Variants in MEGF6 observed in about 807,000 individuals in gnomAD.
The protein encoded by MEGF6 is multiple epidermal growth factor-like domains protein 6.
In MEGF6, 184 loss-of-function variants were observed where a neutral mutation model predicts 207.1. The ratio of observed to expected loss-of-function variants is 0.89; its 90% CI spans 0.79 to 1.00. The LOEUF (loss-of-function observed/expected upper bound fraction) is 1.00, where lower values mean the gene tolerates loss of function less well. Among genes scored for constraint, MEGF6 ranks in the 50% least tolerant of loss-of-function variants. The pLI is 0.00. For synonymous variants in MEGF6, 1,038 were observed against 910.0 expected (o/e 1.14, Z -2.53); for missense variants, 2,282 against 2,202.9 (o/e 1.04, Z -0.72).
intron 5 of MEGF6, among the ~76,000 whole-genome samples, chr1:3,522,504 C>CG (rs1377644474): frequency 6.6e-6 from 1 of 152,012 alleles, no homozygotes; most frequent in African/African-American, 2.4e-5. Flanking sequence ...CTTCTGGGGC[C>CG]CTAAGTGTGC....
chr1:3,611,586 G>A, upstream of MEGF6: 1 of 195,214 alleles, frequency 5.1e-6, no homozygotes, highest in Non-Finnish European at 9.3e-6. Context: ...ACCCGCCCTG[G>A]CTCGCCCGCC....
chr1:3,600,066 G>T (rs1280879220), intron 2 of MEGF6, among the ~76,000 whole-genome samples: 1 of 152,126 alleles, frequency 6.6e-6, no homozygotes, highest in African/African-American at 2.4e-5. Flanking sequence ...GTGCTGTGGG[G>T]TCCCGCCTCA....
At chr1:3,591,938 T>C (rs777076663) in intron 3 of MEGF6, among the ~76,000 whole-genome samples, 25 of 152,112 alleles carry the variant, frequency 1.6e-4, no homozygotes, top group Non-Finnish European at 3.2e-4. Context: ...TGGAGGGAAC[T>C]GAGCCCAGTA....
chr1:3,501,733 G>T, intron 18 of MEGF6, 63 bp downstream of exon 18: 1 of 1,572,142 alleles, frequency 6.4e-7, no homozygotes, highest in Non-Finnish European at 8.6e-7. Context: ...ACAGTTCAGG[G>T]CCCCACCAGC....
At chr1:3,541,351 A>G (rs1054584584) in intron 4 of MEGF6, among the ~76,000 whole-genome samples, 5 of 152,228 alleles carry the variant, frequency 3.3e-5, no homozygotes, top group Non-Finnish European at 5.9e-5. Flanking sequence ...GAAGCAACAA[A>G]GTCCTGGAAG....
At chr1:3,537,190 C>T (rs1409591602) in intron 4 of MEGF6, among the ~76,000 whole-genome samples, 8 of 152,244 alleles carry the variant, frequency 5.3e-5, no homozygotes, top group Non-Finnish European at 8.8e-5. Flanking sequence ...GGGCCAAGGC[C>T]CCAGGCAGCC....
the MEGF6 span, among the ~76,000 whole-genome samples, chr1:3,620,413 G>C: frequency 2.0e-5 from 3 of 152,248 alleles, no homozygotes; most frequent in African/African-American, 7.2e-5. Context: ...ATCAGCTCCA[G>C]TCAGGGCCAA....
intron 3 of MEGF6, 44 bp downstream of exon 3, chr1:3,595,294 G>A (rs778912426): frequency 2.8e-6 from 4 of 1,405,226 alleles, no homozygotes; most frequent in Non-Finnish European, 3.0e-6. Context: ...GAGTCCTCTG[G>A]GGTGGAGGTG....
At position 3,540,350 on chromosome 1, in the gene MEGF6, G is replaced by A. The variant is rs530890482; in HGVS notation, c.482-16104C>T. Among the ~76,000 whole-genome samples, 7 of 152,334 alleles carry A rather than the reference G, an allele frequency of 4.6e-5. No individual in the cohort carries two copies. The East Asian group carries it at 1.4e-3, about 29-fold the overall frequency. On this transcript the variant is annotated intron_variant, in intron 4 of 36. Coordinates refer to ENST00000356575, the MANE Select transcript of MEGF6 (RefSeq NM_001409.4). Reference sequence around the variant, plus strand: ...CCTGGAAGGAACACACCTTGCAGCCGGGTTTCCCGCTGCACTGGGAAGACA... The same window carrying A: ...CCTGGAAGGAACACACCTTGCAGCCAGGTTTCCCGCTGCACTGGGAAGACA...
intron 4 of MEGF6, among the ~76,000 whole-genome samples, chr1:3,562,932 A>T (rs1227770651): frequency 1.3e-5 from 2 of 152,064 alleles, no homozygotes; most frequent in African/African-American, 4.8e-5. Context: ...CCCAGGAAGG[A>T]CGGTGGGCTG....
At chr1:3,558,319 T>A (rs1479065896) in intron 4 of MEGF6, among the ~76,000 whole-genome samples, 16 of 152,200 alleles carry the variant, frequency 1.1e-4, no homozygotes, top group Admixed American at 1.0e-3. Context: ...TGTGTCGACC[T>A]CCTTTCTAAT....
At chr1:3,502,280 C>G (rs979025501) in intron 17 of MEGF6, among the ~76,000 whole-genome samples, 2 of 152,032 alleles carry the variant, frequency 1.3e-5, no homozygotes, top group African/African-American at 4.8e-5. Flanking sequence ...GCAGATCCCT[C>G]GGCCATCCAG....
At position 3,531,486 on chromosome 1, in the gene MEGF6, C is replaced by A; in HGVS notation, c.482-7240G>T. 3.7e-6 allele frequency: 4 copies of A among 1,071,468 alleles called. No homozygotes were observed. In the South Asian group the frequency reaches 1.3e-4, roughly 36 times the overall value. 66.4% of individuals were successfully genotyped at this position (1,071,468 alleles called of 1,614,324 possible). ...GCCCCGCAGGTAAAGGCCAAGTCCG[C>A]AGACAACCGAGGGAGCCGCCCCCGG... On this transcript the variant is annotated intron_variant, in intron 4 of 36. Transcript: ENST00000356575.
At chr1:3,523,373 C>A (rs979149050) in intron 5 of MEGF6, among the ~76,000 whole-genome samples, 1 of 152,128 alleles carries the variant, frequency 6.6e-6, no homozygotes, top group African/African-American at 2.4e-5. Flanking sequence ...TGGGCTCCAG[C>A]CCCCTGCTCA....
rs892922993 is a variant in MEGF6 at position 3,530,268 on chromosome 1, G to A, written c.482-6022C>T. ...GAGGGCGTGGTGCTTAGTCCTTCACGCAGGAGAGAGGCAGAAGCTCGGCCT... is the reference window on the plus strand; with the variant it reads ...GAGGGCGTGGTGCTTAGTCCTTCACACAGGAGAGAGGCAGAAGCTCGGCCT... On this transcript the variant is annotated intron_variant, in intron 4 of 36. Transcript: ENST00000356575. Among the ~76,000 whole-genome samples the A allele has an allele frequency of 2.6e-5, 4 of 152,216 alleles. No individual in the cohort carries two copies. The South Asian group carries it at 6.2e-4, about 24-fold the overall frequency.
intron 21 of MEGF6, 64 bp from the exon 22 acceptor site, chr1:3,499,988 G>T (rs754336566): frequency 6.7e-7 from 1 of 1,490,460 alleles, no homozygotes; most frequent in African/African-American, 1.4e-5. Context: ...AGCCGTGCCC[G>T]GGCCTTGCCG....
chr1:3,494,681 C>T lies in MEGF6; in HGVS notation c.3932G>A (p.Gly1311Asp). ...CEHTCSCRNG[G>D]LCHASNGSCS... is the part of the protein sequence containing the mutation. ...GCTGCCGTTGCTGGCGTGGCACAGG[C>T]CCCCATTTCTGCAGGAGCAGGTGTG... The change falls in exon 31 of 37, where the codon GGC becomes GAC. Residue 1311 changes from glycine to aspartate, a missense_variant. Physicochemically the swap from Gly to Asp is moderately conservative, Grantham distance 94 (BLOSUM62 -1). Transcript: ENST00000356575. 6.4e-7 allele frequency: 1 copy of T among 1,574,522 alleles called. No homozygotes were observed. The highest frequency in any genetic ancestry group is 2.3e-5 in the East Asian group (1 of 42,688).
At chr1:3,620,723 A>G in the MEGF6 span, among the ~76,000 whole-genome samples, 1,704 of 152,328 alleles carry the variant, frequency 0.011, 35 homozygotes, top group African/African-American at 0.039. Context: ...AAATAAAGAC[A>G]CAAGAGAAAG....
At chr1:3,608,931 C>T (rs577740781) in intron 1 of MEGF6, among the ~76,000 whole-genome samples, 224 of 152,330 alleles carry the variant, frequency 1.5e-3, no homozygotes, top group African/African-American at 4.6e-3. Context: ...CCTGGATCTG[C>T]GAGTTGGAGG....
Sources: allele counts gnomAD v4.1 joint callset (sites outside exome capture counted in the v4.1 genomes callset), GRCh38; gene constraint gnomAD v4.1.1; transcripts MANE v1.5; gene names NCBI Gene and HGNC (gene_info 2026-07-23, HGNC 2026-07-21).